Variants in BUD13 observed in about 807,000 individuals in gnomAD.
BUD13 encodes BUD13 homolog.
A neutral mutation model predicts 62.5 loss-of-function variants in BUD13; 47 were observed. The observed-to-expected ratio is 0.75, with a 90% CI of 0.60 to 0.96. The LOEUF is 0.96. BUD13 is among the 40% of genes least tolerant of loss of function. BUD13 has a pLI of 0.00. For missense variants in BUD13, 821 were observed against 790.9 expected, an observed-to-expected ratio of 1.04 and a Z score of -0.46; for synonymous variants, 293 against 280.1, an observed-to-expected ratio of 1.05 and a Z score of -0.46.
Position 116,762,844 on chromosome 11 carries a change from G to A in BUD13, c.745C>T (p.Pro249Ser). 1.9e-6 allele frequency: 3 copies of A among 1,613,596 alleles called. No homozygotes were observed. The highest frequency in any genetic ancestry group is 1.1e-5 in the South Asian group (1 of 91,056). ...SSPRRVHNNS[P>S]DTSRRTLGSS... is the part of the protein sequence containing the mutation. ...CCAAGAGTCCTCCTAGATGTGTCAG[G>A]GGAGTTGTTATGGACCCTTCTGGGG... The change falls in exon 4 of 10, where the codon CCT becomes TCT. Residue 249 changes from proline (P) to serine (S), a missense_variant. By Grantham distance (74) the Pro-to-Ser change is moderately conservative. Around this residue, in one of 2 missense-constraint regions of BUD13, gnomAD observed 800 missense variants for 739.2 expected, o/e 1.08. Coordinates refer to ENST00000260210, the MANE Select transcript of BUD13 (RefSeq NM_032725.4).
chr11:116,758,338 C>G lies in BUD13; in HGVS notation c.1430G>C (p.Arg477Pro). ...TTCTGCTTTCCTCCTTTGCTCTAAACGTTCGAGTTTCAAATTCCTCTTACG... is the reference window on the plus strand; with the variant it reads ...TTCTGCTTTCCTCCTTTGCTCTAAAGGTTCGAGTTTCAAATTCCTCTTACG... ...SGRKRNLKLE[R>P]LEQRRKAEKD... The change falls in exon 7 of 10, where the codon CGT becomes CCT. Residue 477 changes from arginine (R) to proline (P), a missense_variant. Physicochemically the swap from Arg to Pro is moderately radical, Grantham distance 103. Coordinates refer to ENST00000260210, the MANE Select transcript of BUD13 (RefSeq NM_032725.4). 6.2e-7 allele frequency: 1 copy of G among 1,614,154 alleles called. No homozygotes were observed. The highest frequency in any genetic ancestry group is 8.5e-7 in the Non-Finnish European group (1 of 1,180,034).
chr11:116,765,882 G>A (rs1940522493), intron 2 of BUD13, among the ~76,000 whole-genome samples: 1 of 152,124 alleles, frequency 6.6e-6, no homozygotes, highest in East Asian at 1.9e-4. Context: ...TAGTCACAGT[G>A]ATAGGTTTTC....
intron 2 of BUD13, among the ~76,000 whole-genome samples, chr11:116,767,646 G>A (rs1258495137): frequency 6.8e-6 from 1 of 146,856 alleles, no homozygotes; most frequent in African/African-American, 2.5e-5. Flanking sequence ...TGCTAAATCA[G>A]CATAGGTTTG....
chr11:116,758,029 G>A (rs1940362417), intron 7 of BUD13, 79 bp from the exon 8 acceptor site: 2 of 1,548,386 alleles, frequency 1.3e-6, no homozygotes, highest in Non-Finnish European at 1.7e-6. Flanking sequence ...ATACTGCTAA[G>A]TTTGGACAAT....
In BUD13 at chr11:116,763,244, T is replaced by A; in HGVS notation, c.345A>T (p.Ser115=). 1.9e-6 allele frequency: 3 copies of A among 1,542,574 alleles called. No individual in the cohort carries two copies. Among genetic ancestry groups the A allele is most frequent in the South Asian group, 2.5e-5 (2 of 78,992 alleles). Residue 115 remains serine (S), a synonymous_variant, in exon 4 of 10, where the codon TCA becomes TCT. Coordinates refer to ENST00000260210, the MANE Select transcript of BUD13 (RefSeq NM_032725.4). ...GGGTATCGTGACGAAAATGTCTGTTTGAGGGTAGGTCTTCGTTGTGGCCTA... is the reference window on the plus strand; with the variant it reads ...GGGTATCGTGACGAAAATGTCTGTTAGAGGGTAGGTCTTCGTTGTGGCCTA... ...LLGGHNEDLP[S]NRHFRHDTPD...
intron 7 of BUD13, 81 bp from the exon 8 acceptor site, chr11:116,758,031 T>C (rs1360694010): frequency 1.9e-6 from 3 of 1,539,992 alleles, no homozygotes; most frequent in Non-Finnish European, 2.6e-6. Flanking sequence ...ACTGCTAAGT[T>C]TGGACAATCT....
chr11:116,751,500 C>T (rs1158396570), intron 9 of BUD13, among the ~76,000 whole-genome samples: 3 of 152,076 alleles, frequency 2.0e-5, no homozygotes, highest in Non-Finnish European at 4.4e-5. Context: ...GTGGTGCTCA[C>T]GCCTGTAATC....
chr11:116,758,772 G>T (rs1940377856), intron 6 of BUD13, among the ~76,000 whole-genome samples: 1 of 150,606 alleles, frequency 6.6e-6, no homozygotes, highest in Non-Finnish European at 1.5e-5. Context: ...TTGTATTTTT[G>T]GTAGAGACAG....
chr11:116,765,821 C>T (rs546330271), intron 2 of BUD13, among the ~76,000 whole-genome samples: 1 of 152,214 alleles, frequency 6.6e-6, no homozygotes, highest in Non-Finnish European at 1.5e-5. Flanking sequence ...CCCATCATGC[C>T]TAGCACTAAT....
intron 8 of BUD13, among the ~76,000 whole-genome samples, chr11:116,757,461 ATT>A (rs35269431): frequency 0.11 from 15,177 of 138,770 alleles, 950 homozygotes; most frequent in African/African-American, 0.19. Flanking sequence ...ATGACCGGCT[ATT>A]TTTTTTTTTT....
At chr11:116,772,770 G>C in intron 1 of BUD13, 52 bp downstream of exon 1, 3 of 1,461,982 alleles carry the variant, frequency 2.1e-6, no homozygotes, top group South Asian at 2.6e-5. Context: ...GGGCGGAGTT[G>C]GGAAGGGGTG....
In BUD13 at chr11:116,759,125, G is replaced by T. The variant is rs369731762; in HGVS notation, c.1309C>A (p.Arg437=). 1 of 1,613,512 alleles carries T rather than the reference G, an allele frequency of 6.2e-7. No homozygotes were observed. Among genetic ancestry groups the T allele is most frequent in the African/African-American group, 1.3e-5 (1 of 74,714 alleles). ...TGTTCCTTGAGCTCCTGCTGTTCTCGCTGTATGTCAGTTAACACCAACCCA... is the reference window on the plus strand; with the variant it reads ...TGTTCCTTGAGCTCCTGCTGTTCTCTCTGTATGTCAGTTAACACCAACCCA... The part of the protein sequence containing the change: ...KTGLVLTDIQ[R]EQQELKEQDQ... The change falls in exon 6 of 10, where the codon CGA becomes AGA. Residue 437 remains arginine (R), a synonymous_variant. Transcript: ENST00000260210.
intron 1 of BUD13, among the ~76,000 whole-genome samples, chr11:116,772,340 G>A (rs1940644457): frequency 6.6e-6 from 1 of 152,182 alleles, no homozygotes; most frequent in African/African-American, 2.4e-5. Flanking sequence ...TGCCTGGCAA[G>A]AAAAGTATAA....
In BUD13 at chr11:116,757,916, C is replaced by T. The variant is rs368138120; in HGVS notation, c.1534G>A (p.Glu512Lys). 13 of 1,614,128 alleles carry T rather than the reference C, an allele frequency of 8.1e-6. No homozygotes were observed. The highest frequency in any genetic ancestry group is 3.3e-4 in the Middle Eastern group (2 of 6,050). Reference protein sequence around the residue: ...AQSRQQQQNVEDAMKEMQKPL... With the variant: ...AQSRQQQQNVKDAMKEMQKPL... ...TTTTGCATCTCTTTCATTGCATCCT[C>T]CACATTTTGTTGCTGTTGCCGGCTC... The change falls in exon 8 of 10, where the codon GAG becomes AAG. Residue 512 changes from glutamate to lysine, a missense_variant. Glu to Lys is a moderately conservative substitution (Grantham distance 56). Coordinates refer to ENST00000260210, the MANE Select transcript of BUD13 (RefSeq NM_032725.4).
At chr11:116,766,622 C>G (rs1450491352) in intron 2 of BUD13, among the ~76,000 whole-genome samples, 2 of 152,200 alleles carry the variant, frequency 1.3e-5, no homozygotes, top group African/African-American at 4.8e-5. Flanking sequence ...CAAAGGATTG[C>G]TATAAGGATT....
chr11:116,765,812 C>A (rs1031972928), intron 2 of BUD13, among the ~76,000 whole-genome samples: 1 of 152,200 alleles, frequency 6.6e-6, no homozygotes, highest in Non-Finnish European at 1.5e-5. Flanking sequence ...GTGGCTCCCC[C>A]CATCATGCCT....
At chr11:116,759,503 A>G (rs1940392675) in intron 5 of BUD13, among the ~76,000 whole-genome samples, 1 of 152,210 alleles carries the variant, frequency 6.6e-6, no homozygotes, top group Admixed American at 6.5e-5. Context: ...ATAAAGCACT[A>G]AGCCTTCCAT....
chr11:116,750,343 C>T (rs1182166102), intron 9 of BUD13, among the ~76,000 whole-genome samples: 1 of 152,182 alleles, frequency 6.6e-6, no homozygotes, highest in African/African-American at 2.4e-5. Flanking sequence ...CTTTAATTAC[C>T]ATGCATTCTC....
intron 2 of BUD13, among the ~76,000 whole-genome samples, chr11:116,767,883 G>A (rs60258347): frequency 0.045 from 6,804 of 151,376 alleles, 464 homozygotes; most frequent in African/African-American, 0.15. Flanking sequence ...TAAGGTAGGA[G>A]GATTGCTTGC....
Sources: allele counts gnomAD v4.1 joint callset (sites outside exome capture counted in the v4.1 genomes callset), GRCh38; gene constraint gnomAD v4.1.1; regional missense constraint gnomAD v4.1.1; transcripts MANE v1.5; gene names NCBI Gene and HGNC (gene_info 2026-07-23, HGNC 2026-07-21).